The following HHAT variants were observed in gnomAD, a reference collection of about 807,000 sequenced individuals.
HHAT encodes hedgehog acyltransferase, also known as protein-cysteine N-palmitoyltransferase HHAT.
In HHAT, 47 loss-of-function variants were observed where a neutral mutation model predicts 70.8. The ratio of observed to expected loss-of-function variants is 0.66; its 90% CI spans 0.53 to 0.85. The LOEUF (loss-of-function observed/expected upper bound fraction) is 0.85, where lower values mean the gene tolerates loss of function less well. Among genes scored for constraint, HHAT ranks in the 40% least tolerant of loss-of-function variants. The pLI is 0.00. For synonymous variants in HHAT, 228 were observed against 247.6 expected, an observed-to-expected ratio of 0.92 and a Z score of 0.74; for missense variants, 609 against 604.8, an observed-to-expected ratio of 1.01 and a Z score of -0.07.
At chr1:210,454,324 T>C (rs906602092) in intron 7 of HHAT, among the ~76,000 whole-genome samples, 5 of 152,070 alleles carry the variant, frequency 3.3e-5, no homozygotes, top group Non-Finnish European at 7.4e-5. Context: ...GAGGCCGAGG[T>C]GGGCAGATCA....
intron 9 of HHAT, among the ~76,000 whole-genome samples, chr1:210,526,451 C>CT (rs1473207364): frequency 6.7e-6 from 1 of 149,982 alleles, no homozygotes; most frequent in Non-Finnish European, 1.5e-5. Context: ...AGCGCATGAT[C>CT]TTTAGTTAGC....
At chr1:210,403,433 C>A (rs916280321) in intron 5 of HHAT, among the ~76,000 whole-genome samples, 3 of 152,182 alleles carry the variant, frequency 2.0e-5, no homozygotes, top group Non-Finnish European at 2.9e-5. Flanking sequence ...TTCATTTGTT[C>A]TGCAAATTTT....
chr1:210,676,131 C>T lies in HHAT; in HGVS notation c.*1752C>T, dbSNP rs1481229855. On this transcript the variant is annotated 3_prime_UTR_variant, in exon 12 of 12. Coordinates refer to ENST00000261458, the MANE Select transcript of HHAT (RefSeq NM_018194.6). Reference sequence around the variant, plus strand: ...GTAATACAAAAGTTTTGAGCTCTTCCAAGTATACCATTTATATACAAACAA... The same window carrying T: ...GTAATACAAAAGTTTTGAGCTCTTCTAAGTATACCATTTATATACAAACAA... 6.6e-6 allele frequency: 1 copy of T among 152,136 alleles called. No individual in the cohort carries two copies. The highest frequency in any genetic ancestry group is 1.5e-5 in the Non-Finnish European group (1 of 68,032). 9.4% of individuals were successfully genotyped at this position (152,136 alleles called of 1,614,324 possible).
In HHAT at chr1:210,362,834, C is replaced by G; in HGVS notation, c.92-18C>G. 8.3e-7 allele frequency: 1 copy of G among 1,211,484 alleles called. No homozygotes were observed. Among genetic ancestry groups the G allele is most frequent in the Non-Finnish European group, 1.1e-6 (1 of 871,672 alleles). The allele number at this position is 1,211,484 out of a possible 1,614,324, so 75.0% of individuals were successfully genotyped here. A position where few individuals can be genotyped will look rare whatever the true frequency, so the allele number is the denominator to read the frequency against. ...TGTTTAGATTTGTGACTAACGAAGA[C>G]TTTTTTTTTTTGGTCAGAACACGAA... On this transcript the variant is annotated intron_variant, in intron 2 of 11. Coordinates refer to ENST00000261458, the MANE Select transcript of HHAT (RefSeq NM_018194.6).
chr1:210,555,726 G>T (rs955819911), intron 9 of HHAT, among the ~76,000 whole-genome samples: 1 of 152,120 alleles, frequency 6.6e-6, no homozygotes, highest in Non-Finnish European at 1.5e-5. Flanking sequence ...CATATATATT[G>T]GTTGACAGAC....
At chr1:210,670,190 T>C (rs17260620) in intron 11 of HHAT, among the ~76,000 whole-genome samples, 2,608 of 152,270 alleles carry the variant, frequency 0.017, 37 homozygotes, top group Middle Eastern at 0.031. Context: ...CATTCCACTG[T>C]TATTTGAGCT....
At chr1:210,542,165 T>C (rs2095436859) in intron 9 of HHAT, among the ~76,000 whole-genome samples, 1 of 152,220 alleles carries the variant, frequency 6.6e-6, no homozygotes, top group African/African-American at 2.4e-5. Flanking sequence ...AAGTTGTCAC[T>C]ATTGACAGAC....
At chr1:210,428,286 C>CTATATATATATA (rs66516721) in intron 7 of HHAT, among the ~76,000 whole-genome samples, 1 of 101,522 alleles carries the variant, frequency 9.9e-6, no homozygotes, top group Non-Finnish European at 1.9e-5. Flanking sequence ...TGAGCTTATA[C>CTATATATATATA]TATATATATA....
chr1:210,386,278 G>A (rs1356552897), intron 3 of HHAT, among the ~76,000 whole-genome samples: 6 of 99,612 alleles, frequency 6.0e-5, no homozygotes, highest in Non-Finnish European at 9.3e-5. Flanking sequence ...TCGCTCTGTC[G>A]CCCAGGCTGG....
chr1:210,453,546 C>G (rs574079937), intron 7 of HHAT, among the ~76,000 whole-genome samples: 1 of 152,204 alleles, frequency 6.6e-6, no homozygotes, highest in Non-Finnish European at 1.5e-5. Flanking sequence ...CTCTCCTTCC[C>G]CCATAGTCCC....
intron 9 of HHAT, among the ~76,000 whole-genome samples, chr1:210,584,208 C>A (rs1212800011): frequency 1.3e-5 from 2 of 151,864 alleles, no homozygotes; most frequent in Non-Finnish European, 2.9e-5. Context: ...TCCCAAAGTG[C>A]TGGGATTACA....
At chr1:210,645,131 G>T (rs558885573) in intron 11 of HHAT, among the ~76,000 whole-genome samples, 1 of 152,266 alleles carries the variant, frequency 6.6e-6, no homozygotes, top group African/African-American at 2.4e-5. Flanking sequence ...GAATCCAAGA[G>T]GTTACACAAC....
intron 9 of HHAT, among the ~76,000 whole-genome samples, chr1:210,566,185 T>C: frequency 6.6e-6 from 1 of 152,216 alleles, no homozygotes; most frequent in Non-Finnish European, 1.5e-5. Context: ...CGAAATAGGG[T>C]GGAAAGCCCA....
chr1:210,652,451 C>G (rs1675351787), intron 11 of HHAT, among the ~76,000 whole-genome samples: 1 of 152,114 alleles, frequency 6.6e-6, no homozygotes, highest in South Asian at 2.1e-4. Flanking sequence ...AGGGCAGAAC[C>G]CGGGGCCCAC....
intron 11 of HHAT, among the ~76,000 whole-genome samples, chr1:210,635,436 G>C (rs531165525): frequency 6.6e-6 from 1 of 152,174 alleles, no homozygotes; most frequent in African/African-American, 2.4e-5. Context: ...TTGCAAGAGA[G>C]TGACATGATT....
At chr1:210,602,823 A>G (rs752398704) in intron 10 of HHAT, among the ~76,000 whole-genome samples, 33 of 152,100 alleles carry the variant, frequency 2.2e-4, no homozygotes, top group Non-Finnish European at 2.8e-4. Context: ...CCTAAGGATC[A>G]TTAGCAATGC....
chr1:210,338,035 A>G (rs1313776644), intron 1 of HHAT, among the ~76,000 whole-genome samples: 1 of 152,190 alleles, frequency 6.6e-6, no homozygotes, highest in Non-Finnish European at 1.5e-5. Context: ...AATGTACTAT[A>G]CAGAGTCAAC....
At chr1:210,626,194 A>T (rs1037406180) in intron 11 of HHAT, among the ~76,000 whole-genome samples, 3 of 152,182 alleles carry the variant, frequency 2.0e-5, no homozygotes, top group Non-Finnish European at 4.4e-5. Flanking sequence ...GAATGCTGGT[A>T]TTGAAGGGGG....
At chr1:210,423,029 A>G (rs1287227081) in intron 7 of HHAT, among the ~76,000 whole-genome samples, 3 of 152,166 alleles carry the variant, frequency 2.0e-5, no homozygotes, top group Non-Finnish European at 4.4e-5. Flanking sequence ...TACAGTAAAC[A>G]TGGGGTATAG....
Sources: gnomAD v4.1 joint callset for allele counts (sites outside exome capture counted in the v4.1 genomes callset) on GRCh38, gnomAD v4.1.1 for gene constraint, MANE v1.5 for transcripts, NCBI Gene and HGNC (gene_info 2026-07-23, HGNC 2026-07-21) for gene names.